Variants in SLC10A1 observed in about 807,000 individuals in gnomAD.
The protein encoded by SLC10A1 is hepatic sodium/bile acid cotransporter.
A neutral mutation model predicts 20.5 loss-of-function variants in SLC10A1; 36 were observed. That is an observed-to-expected ratio of 1.75 (90% CI 1.34 to 2.32). SLC10A1 has a LOEUF of 2.32. Ranked by LOEUF, SLC10A1 falls within the 30% of genes most tolerant of loss-of-function variation. The pLI is 0.00. For synonymous variants in SLC10A1, 188 were observed against 163.6 expected (o/e 1.15, Z -1.14); for missense variants, 545 against 439.1 (o/e 1.24, Z -2.16).
At chr14:69,777,590 T>TTTG (rs1883476849) in intron 4 of SLC10A1, among the ~76,000 whole-genome samples, 1 of 95,506 alleles carries the variant, frequency 1.0e-5, no homozygotes, top group Non-Finnish European at 2.0e-5. Flanking sequence ...TTTTTTTTTT[T>TTTG]TTTTTTTTTT....
intron 4 of SLC10A1, among the ~76,000 whole-genome samples, 176 bp downstream of exon 4, chr14:69,778,156 TG>T (rs1256368434): frequency 2.0e-5 from 3 of 152,210 alleles, no homozygotes; most frequent in Admixed American, 6.5e-5. Context: ...GTGCAGTTGA[TG>T]GAAGTAGTCT....
At chr14:69,785,302 A>G (rs993052341) in intron 2 of SLC10A1, among the ~76,000 whole-genome samples, 2 of 152,130 alleles carry the variant, frequency 1.3e-5, no homozygotes, top group African/African-American at 4.8e-5. Context: ...TGTGGCCTTA[A>G]TTCACTCCAC....
intron 2 of SLC10A1, among the ~76,000 whole-genome samples, chr14:69,781,524 C>G (rs1163433916): frequency 1.3e-5 from 2 of 152,206 alleles, no homozygotes; most frequent in African/African-American, 4.8e-5. Flanking sequence ...ATAGCAGGGA[C>G]AAGTGTCAGA....
chr14:69,787,155 T>C (rs1883738060), intron 1 of SLC10A1, among the ~76,000 whole-genome samples: 1 of 151,994 alleles, frequency 6.6e-6, no homozygotes, highest in South Asian at 2.1e-4. Context: ...TCATGTTCTT[T>C]ACTTTCTGGT....
intron 1 of SLC10A1, among the ~76,000 whole-genome samples, chr14:69,791,366 T>A (rs1226892406): frequency 6.6e-6 from 1 of 151,920 alleles, no homozygotes; most frequent in Non-Finnish European, 1.5e-5. Flanking sequence ...AGTGGTGTGA[T>A]CTTGGCTCAC....
In SLC10A1 at chr14:69,786,175, C is replaced by T; in HGVS notation, c.489G>A (p.Leu163=). ...KVPYKGIVIS[L]VLVLIPCTIG... The stretch of plus-strand genomic sequence containing the variant: ...TGGTGCAAGGAATGAGAACCAGGAC[C>T]AGTGATATCACGATGCCTTTATAGG... The change falls in exon 2 of 5, where the codon CTG becomes CTA. Residue 163 remains leucine, a synonymous_variant. Transcript: ENST00000216540. 1 of 1,614,102 alleles carries T rather than the reference C, an allele frequency of 6.2e-7. No homozygotes were observed. The highest frequency in any genetic ancestry group is 8.5e-7 in the Non-Finnish European group (1 of 1,180,018).
chr14:69,779,558 G>A (rs1226271160), intron 2 of SLC10A1, among the ~76,000 whole-genome samples, 198 bp from the exon 3 acceptor site: 4 of 152,094 alleles, frequency 2.6e-5, no homozygotes. Context: ...TAGAGACAGG[G>A]TCTTACTATG....
At chr14:69,788,798 G>C (rs547362408) in intron 1 of SLC10A1, among the ~76,000 whole-genome samples, 145 of 151,700 alleles carry the variant, frequency 9.6e-4, no homozygotes, top group Non-Finnish European at 1.7e-3. Flanking sequence ...CACCCGCCTG[G>C]GCCTCCCAAA....
intron 1 of SLC10A1, among the ~76,000 whole-genome samples, chr14:69,787,744 T>C (rs1389747614): frequency 2.0e-5 from 3 of 152,088 alleles, no homozygotes; most frequent in East Asian, 1.9e-4. Flanking sequence ...TAACACTCAA[T>C]TTAAGTGTGG....
Position 69,776,257 on chromosome 14 carries a change from A to G in SLC10A1, c.*25T>C. 7 of 1,580,452 alleles carry G rather than the reference A, an allele frequency of 4.4e-6. 1 individual carries two copies. Among genetic ancestry groups the G allele is most frequent in the Non-Finnish European group, 5.2e-6 (6 of 1,153,606 alleles). ...TGGCTTTCAGAATTGCTTTGGGACC[A>G]GAATCCAGGCCACCAGGGGAAGGGC... On this transcript the variant is annotated 3_prime_UTR_variant, in exon 5 of 5. Coordinates refer to ENST00000216540, the MANE Select transcript of SLC10A1 (RefSeq NM_003049.4).
chr14:69,782,039 G>C (rs901719353), intron 2 of SLC10A1, among the ~76,000 whole-genome samples: 3 of 152,202 alleles, frequency 2.0e-5, no homozygotes, highest in Non-Finnish European at 4.4e-5. Flanking sequence ...GGGACAGGGT[G>C]ACGAAGGATG....
rs1018653847 is a variant in SLC10A1 at position 69,776,734 on chromosome 14, C to G, written c.944-346G>C. ...TGAGGAGGCAGGCAGGAAAGATCTT[C>G]GAGAAAGTCTAACCAAGAGAGTTTC... On this transcript the variant is annotated intron_variant, in intron 4 of 4. Transcript: ENST00000216540. Among the ~76,000 whole-genome samples, 3 of 152,336 alleles carry G rather than the reference C, an allele frequency of 2.0e-5. 1 individual carries two copies. The South Asian group carries it at 6.2e-4, about 32-fold the overall frequency.
chr14:69,778,585 T>C (rs1883509842), intron 3 of SLC10A1, 56 bp from the exon 4 acceptor site: 4 of 1,450,858 alleles, frequency 2.8e-6, no homozygotes, highest in Admixed American at 4.5e-5. Flanking sequence ...GGGAGCAACT[T>C]TGTCCCAGTG....
intron 2 of SLC10A1, among the ~76,000 whole-genome samples, chr14:69,785,854 C>T (rs574528580): frequency 1.3e-5 from 2 of 151,902 alleles, no homozygotes; most frequent in Admixed American, 1.3e-4. Context: ...AGTGATCCAC[C>T]CGCCTCAACT....
chr14:69,786,178 T>TTATC lies in SLC10A1; in HGVS notation c.485_486insGATA (p.Leu163IlefsTer116). On this transcript the variant is annotated frameshift_variant, in exon 2 of 5. Transcript: ENST00000216540. LOFTEE classifies it high-confidence loss of function. ...TGCAAGGAATGAGAACCAGGACCAG[T>TTATC]GATATCACGATGCCTTTATAGGGCA... 1 of 1,614,058 alleles carries TTATC rather than the reference T, an allele frequency of 6.2e-7. No individual in the cohort carries two copies. Among genetic ancestry groups the TTATC allele is most frequent in the Non-Finnish European group, 8.5e-7 (1 of 1,180,024 alleles).
chr14:69,779,342 GAAT>G lies in SLC10A1; in HGVS notation c.583_585del (p.Ile195del). ...ACTGTGACGGCCACACTGCACAAGA[GAAT>G]GATGATCATCCCTCCCTGGGAATGA... On this transcript the variant is annotated inframe_deletion, in exon 3 of 5. Transcript: ENST00000216540. 2 of 1,611,536 alleles carry G rather than the reference GAAT, an allele frequency of 1.2e-6. No individual in the cohort carries two copies. Among genetic ancestry groups the G allele is most frequent in the Non-Finnish European group, 1.7e-6 (2 of 1,178,110 alleles).
rs144915009 is a variant in SLC10A1 at position 69,787,146 on chromosome 14, C to A, written c.357-839G>T. 2.6e-3 allele frequency among the ~76,000 whole-genome samples: 391 copies of A among 152,254 alleles called. 3 individuals are homozygous for A. The highest frequency in any genetic ancestry group is 8.6e-3 in the African/African-American group (359 of 41,558). On this transcript the variant is annotated intron_variant, in intron 1 of 4. Transcript: ENST00000216540. The stretch of plus-strand genomic sequence containing the variant: ...TTCCAGTCCCCAACTCTGGTGTTCT[C>A]ATGTTCTTTACTTTCTGGTTCCTCT...
intron 4 of SLC10A1, among the ~76,000 whole-genome samples, chr14:69,777,988 C>T (rs560835212): frequency 5.3e-5 from 8 of 152,136 alleles, no homozygotes; most frequent in African/African-American, 1.7e-4. Context: ...CCAACTCTTG[C>T]GAATAGAGGC....
At position 69,786,206 on chromosome 14, in the gene SLC10A1, T is replaced by G. The variant is rs772995593; in HGVS notation, c.458A>C (p.Lys153Thr). 2 of 1,613,962 alleles carry G rather than the reference T, an allele frequency of 1.2e-6. No homozygotes were observed. Among genetic ancestry groups the G allele is most frequent in the Non-Finnish European group, 1.7e-6 (2 of 1,179,910 alleles). Residue 153 changes from lysine to threonine, a missense_variant, in exon 2 of 5, where the codon AAG (lysine) becomes ACG (threonine). Coordinates refer to ENST00000216540, the MANE Select transcript of SLC10A1 (RefSeq NM_003049.4). Reference sequence around the variant, plus strand: ...TATCACGATGCCTTTATAGGGCACCTTGTCCTTCAGGTCCCCATCATAGAT... The same window carrying G: ...TATCACGATGCCTTTATAGGGCACCGTGTCCTTCAGGTCCCCATCATAGAT... The part of the protein sequence containing the change: ...RGIYDGDLKD[K>T]VPYKGIVISL...
Sources: allele counts gnomAD v4.1 joint callset (sites outside exome capture counted in the v4.1 genomes callset), GRCh38; gene constraint gnomAD v4.1.1; transcripts MANE v1.5; gene names NCBI Gene and HGNC (gene_info 2026-07-23, HGNC 2026-07-21).